Variants in ASPRV1 observed in about 807,000 individuals in gnomAD.
The protein encoded by ASPRV1 is aspartic peptidase retroviral like 1.
Under a neutral mutation model 11.0 loss-of-function variants are expected in ASPRV1, and 7 were observed. The ratio of observed to expected loss-of-function variants is 0.64; its 90% CI spans 0.36 to 1.20. ASPRV1 has a LOEUF of 1.20. ASPRV1 is among the 50% of genes most tolerant of loss of function. The pLI is 0.02. For missense variants in ASPRV1, 299 were observed against 320.0 expected, an observed-to-expected ratio of 0.93 and a Z score of 0.50; for synonymous variants, 136 against 138.4, an observed-to-expected ratio of 0.98 and a Z score of 0.12.
downstream of ASPRV1, among the ~76,000 whole-genome samples, chr2:69,958,011 G>A (rs538737168): frequency 2.0e-5 from 3 of 152,138 alleles, no homozygotes; most frequent in South Asian, 2.1e-4. Flanking sequence ...TGGTTCAAAC[G>A]CCCACTGTGG....
At chr2:70,011,406 G>A in the ASPRV1 span, among the ~76,000 whole-genome samples, 2 of 152,184 alleles carry the variant, frequency 1.3e-5, no homozygotes, top group Non-Finnish European at 1.5e-5. Flanking sequence ...ATGAGCGCCT[G>A]AGCTGAGGCA....
At chr2:69,961,683 C>T (rs777385150), upstream of ASPRV1, 14 of 1,537,342 alleles carry the variant, frequency 9.1e-6, no homozygotes, top group Non-Finnish European at 1.1e-5. Context: ...CCCCTGGGCT[C>T]CCCATTCTCC....
At chr2:69,979,545 G>T in the ASPRV1 span, among the ~76,000 whole-genome samples, 1 of 152,200 alleles carries the variant, frequency 6.6e-6, no homozygotes, top group African/African-American at 2.4e-5. Flanking sequence ...AGGTGGGGAG[G>T]CCAGCCCTGG....
At chr2:70,007,810 T>C in the ASPRV1 span, among the ~76,000 whole-genome samples, 1 of 152,096 alleles carries the variant, frequency 6.6e-6, no homozygotes, top group African/African-American at 2.4e-5. Context: ...GATATTGTTT[T>C]GAGTCTCCTA....
the ASPRV1 span, among the ~76,000 whole-genome samples, chr2:70,070,072 G>A: frequency 6.6e-6 from 1 of 151,462 alleles, no homozygotes; most frequent in East Asian, 1.9e-4. Flanking sequence ...CCAGCTACTC[G>A]GGAGGCTGAA....
At chr2:69,946,483 A>G in the ASPRV1 span, among the ~76,000 whole-genome samples, 3,636 of 152,282 alleles carry the variant, frequency 0.024, 150 homozygotes, top group African/African-American at 0.082. Flanking sequence ...AGGGGGATTA[A>G]GTAAGGTAAA....
the ASPRV1 span, among the ~76,000 whole-genome samples, chr2:69,946,478 G>A: frequency 6.6e-6 from 1 of 152,182 alleles, no homozygotes; most frequent in African/African-American, 2.4e-5. Context: ...CTGCTAGGGG[G>A]ATTAAGTAAG....
the ASPRV1 span, among the ~76,000 whole-genome samples, chr2:70,057,474 CCATT>C: frequency 6.6e-6 from 1 of 152,070 alleles, no homozygotes; most frequent in East Asian, 1.9e-4. Flanking sequence ...AACCAACCAT[CCATT>C]ATGTATCTTT....
the ASPRV1 span, among the ~76,000 whole-genome samples, chr2:70,066,243 A>ATT: frequency 8.9e-4 from 130 of 146,164 alleles, no homozygotes; most frequent in African/African-American, 3.2e-3. Context: ...CACTAACATC[A>ATT]TTTTTTTTTT....
the ASPRV1 span, among the ~76,000 whole-genome samples, chr2:70,044,387 G>A: frequency 6.6e-6 from 1 of 152,124 alleles, no homozygotes; most frequent in Non-Finnish European, 1.5e-5. Flanking sequence ...CCAGGGGCCA[G>A]GATCCCTGGA....
the ASPRV1 span, among the ~76,000 whole-genome samples, chr2:70,032,910 G>C: frequency 6.6e-6 from 1 of 152,056 alleles, no homozygotes; most frequent in South Asian, 2.1e-4. Context: ...AATAGAGAGA[G>C]GAATAACATG....
chr2:70,082,890 T>A, the ASPRV1 span, among the ~76,000 whole-genome samples: 1 of 151,932 alleles, frequency 6.6e-6, no homozygotes, highest in African/African-American at 2.4e-5. Context: ...CAAGACCTTC[T>A]CTCAAAAAAT....
chr2:70,046,059 T>C, the ASPRV1 span: 2 of 152,190 alleles, frequency 1.3e-5, no homozygotes, highest in African/African-American at 2.4e-5. Context: ...CAATCAGAGC[T>C]ACAGAACATC....
the ASPRV1 span, among the ~76,000 whole-genome samples, chr2:69,951,825 T>C: frequency 2.0e-5 from 3 of 152,172 alleles, no homozygotes; most frequent in Admixed American, 6.5e-5. Context: ...CTCTACTTAC[T>C]TGATGATTTT....
the ASPRV1 span, among the ~76,000 whole-genome samples, chr2:70,055,452 A>C: frequency 8.5e-5 from 13 of 152,256 alleles, no homozygotes; most frequent in Non-Finnish European, 1.6e-4. Context: ...CTATGCAGCC[A>C]TAAAAAGCAA....
chr2:70,049,271 G>A, the ASPRV1 span: 1 of 143,754 alleles, frequency 7.0e-6, no homozygotes, highest in Non-Finnish European at 1.5e-5. Flanking sequence ...TCGGTACAGA[G>A]CACCAACCTT....
the ASPRV1 span, among the ~76,000 whole-genome samples, chr2:69,951,762 G>A: frequency 3.3e-5 from 5 of 151,894 alleles, no homozygotes; most frequent in Non-Finnish European, 5.9e-5. Flanking sequence ...GGAGTTTTAG[G>A]GGGGTTTTAG....
At chr2:70,030,411 G>A in the ASPRV1 span, 2 of 152,154 alleles carry the variant, frequency 1.3e-5, no homozygotes, top group Non-Finnish European at 2.9e-5. Flanking sequence ...AATGAGTGAA[G>A]TCTCCAGCGG....
chr2:70,043,279 G>A, the ASPRV1 span, among the ~76,000 whole-genome samples: 8 of 152,112 alleles, frequency 5.3e-5, no homozygotes, highest in Non-Finnish European at 1.0e-4. Context: ...TTAGCTGGGC[G>A]TGGTGGTGCG....
Sources: gnomAD v4.1 joint callset for allele counts (sites outside exome capture counted in the v4.1 genomes callset) on GRCh38, gnomAD v4.1.1 for gene constraint, MANE v1.5 for transcripts, NCBI Gene and HGNC (gene_info 2026-07-23, HGNC 2026-07-21) for gene names.